SPATA21: variants seen among roughly 807,000 people sequenced by gnomAD.
SPATA21 encodes the protein spermatogenesis associated 21.
Under a neutral mutation model 54.8 loss-of-function variants are expected in SPATA21, and 47 were observed. The ratio of observed to expected loss-of-function variants is 0.86; its 90% CI spans 0.68 to 1.09. The LOEUF (loss-of-function observed/expected upper bound fraction) is 1.09. Among genes scored for constraint, SPATA21 ranks in the 50% least tolerant of loss-of-function variants. SPATA21 has a pLI of 0.00. For synonymous variants in SPATA21, 245 were observed against 235.3 expected (o/e 1.04, Z -0.38); for missense variants, 599 against 596.4 (o/e 1.00, Z -0.05).
At chr1:16,415,241 G>A (rs1030664524) in intron 5 of SPATA21, among the ~76,000 whole-genome samples, 6 of 152,210 alleles carry the variant, frequency 3.9e-5, no homozygotes, top group Non-Finnish European at 7.3e-5. Flanking sequence ...AAGGGGCTAA[G>A]GTGGGAGGAT....
At chr1:16,415,732 G>A (rs1305120562) in intron 5 of SPATA21, among the ~76,000 whole-genome samples, 2 of 152,178 alleles carry the variant, frequency 1.3e-5, no homozygotes, top group Admixed American at 6.5e-5. Context: ...GCTAATTTTT[G>A]TATTTTTAGT....
chr1:16,429,683 A>AT (rs1339998025), intron 3 of SPATA21, among the ~76,000 whole-genome samples: 1 of 150,538 alleles, frequency 6.6e-6, no homozygotes. Context: ...CATGTTGGTC[A>AT]GGCTGGTCTT....
At position 16,424,854 on chromosome 1, in the gene SPATA21, C is replaced by T. The variant is rs542129051; in HGVS notation, c.35-2883G>A. On this transcript the variant is annotated intron_variant, in intron 3 of 12. Transcript: ENST00000335496. ...TATCTGTATACAGAACCTGGCACCT[C>T]CTCCCTCCCCCCTGCACCCATTGAC... 3 of 196,408 alleles carry T rather than the reference C, an allele frequency of 1.5e-5. No homozygotes were observed. The East Asian group carries it at 5.0e-4, about 33-fold the overall frequency. 12.2% of individuals were successfully genotyped at this position (196,408 alleles called of 1,614,324 possible).
At chr1:16,426,507 C>T (rs1410263398) in intron 3 of SPATA21, among the ~76,000 whole-genome samples, 1 of 148,388 alleles carries the variant, frequency 6.7e-6, no homozygotes, top group African/African-American at 2.5e-5. Context: ...GATCCGCCAA[C>T]CTCAACTTCC....
Position 16,400,911 on chromosome 1 carries a change from C to T in SPATA21, c.1002-19G>A. Reference sequence around the variant, plus strand: ...GTAGTAGCTGGGGAGGCAGTGCCCACCCATCTCAGCCTGGCTGTGTTTAAT... The same window carrying T: ...GTAGTAGCTGGGGAGGCAGTGCCCATCCATCTCAGCCTGGCTGTGTTTAAT... On this transcript the variant is annotated intron_variant, in intron 10 of 12. Transcript: ENST00000335496. The T allele has an allele frequency of 1.2e-6, 2 of 1,607,658 alleles. No individual in the cohort carries two copies. Among genetic ancestry groups the T allele is most frequent in the Non-Finnish European group, 1.7e-6 (2 of 1,176,700 alleles).
rs764239159 is a variant in SPATA21 at position 16,409,978 on chromosome 1, C to T, written c.210G>A (p.Ala70=). 2.5e-6 allele frequency: 4 copies of T among 1,607,182 alleles called. No individual in the cohort carries two copies. Among genetic ancestry groups the T allele is most frequent in the East Asian group, 2.2e-5 (1 of 44,884 alleles). Residue 70 remains alanine, a synonymous_variant, in exon 6 of 13, where the codon GCG becomes GCA. Transcript: ENST00000335496. The surrounding 1 kb of genome is among the most constrained non-coding windows in gnomAD (Gnocchi z 4.1). ...CGAGGCTCTGTGTCCCTGCAGCCAC[C>T]GCGGGCTTCTGAGGCTGCTGCTGCG... ...DRAQQQPQKP[A]VAAGTQSLGN...
intron 1 of SPATA21, among the ~76,000 whole-genome samples, chr1:16,433,577 C>T (rs544945203): frequency 6.6e-6 from 1 of 152,362 alleles, no homozygotes; most frequent in Admixed American, 6.5e-5. Context: ...TCCACTGTCT[C>T]TGCCTGAGAA....
chr1:16,422,286 C>T, intron 3 of SPATA21: 2 of 1,230,866 alleles, frequency 1.6e-6, no homozygotes, highest in Non-Finnish European at 2.1e-6. Flanking sequence ...CCAGTTATTA[C>T]ACACTTACTA....
intron 5 of SPATA21, among the ~76,000 whole-genome samples, chr1:16,418,036 G>A (rs967582559): frequency 3.9e-5 from 6 of 152,206 alleles, no homozygotes; most frequent in African/African-American, 1.2e-4. Flanking sequence ...GGTGCCACCA[G>A]CTCAGCTGCA....
chr1:16,427,745 G>T, intron 3 of SPATA21: 1 of 1,077,546 alleles, frequency 9.3e-7, no homozygotes, highest in Non-Finnish European at 1.3e-6. Context: ...GAAGGACAAG[G>T]TGCTGTCGTG....
rs200457248 is a variant in SPATA21, at chr1:16,399,336, G to C, written c.1352+8C>G. 3 of 1,605,384 alleles carry C rather than the reference G, an allele frequency of 1.9e-6. No individual in the cohort carries two copies. Among genetic ancestry groups the C allele is most frequent in the Non-Finnish European group, 2.6e-6 (3 of 1,175,278 alleles). ...GCCTGGGCTGGGACCCTTTCTCTGG[G>C]CACCCACCTGTTTCCTTGAGATCCT... is the stretch of plus-strand genomic sequence containing the variant. On this transcript the variant is annotated splice_region_variant and intron_variant, in intron 12 of 12. Coordinates refer to ENST00000335496, the MANE Select transcript of SPATA21 (RefSeq NM_198546.1).
At chr1:16,426,579 A>ATATATATT (rs1401259793) in intron 3 of SPATA21, among the ~76,000 whole-genome samples, 21 of 107,154 alleles carry the variant, frequency 2.0e-4, no homozygotes, top group East Asian at 3.4e-4. Context: ...ATATATATAT[A>ATATATATT]TTTTTTTTTT....
Position 16,414,893 on chromosome 1 carries a change from C to CAAAAAAAAAAAAAA in SPATA21, c.145-4864_145-4851dup, listed in dbSNP as rs528947922. Among the ~76,000 whole-genome samples the CAAAAAAAAAAAAAA allele has an allele frequency of 9.4e-5, 7 of 74,336 alleles. 1 individual carries two copies. Among genetic ancestry groups the CAAAAAAAAAAAAAA allele is most frequent in the Non-Finnish European group, 1.2e-4 (5 of 42,660 alleles). 48.8% of individuals were successfully genotyped at this position (74,336 alleles called of 152,430 possible). On this transcript the variant is annotated intron_variant, in intron 5 of 12. Transcript: ENST00000335496. ...GGGCAACAAGAGCGAAACCTCATCT[C>CAAAAAAAAAAAAAA]AAAAAAAAAAAAAAAAAAAGATTCT...
intron 5 of SPATA21, among the ~76,000 whole-genome samples, chr1:16,414,128 C>T (rs922299256): frequency 6.6e-6 from 1 of 151,742 alleles, no homozygotes; most frequent in African/African-American, 2.4e-5. Context: ...TGCAGTGGTG[C>T]AATCTTGGCT....
chr1:16,424,866 CT>C (rs2086278898), intron 3 of SPATA21: 1 of 263,552 alleles, frequency 3.8e-6, no homozygotes, highest in Non-Finnish European at 7.5e-6. Context: ...TCCCTCCCCC[CT>C]GCACCCATTG....
rs1185817057 is a variant in SPATA21, at chr1:16,409,606, C to T, written c.582G>A (p.Lys194=). The T allele has an allele frequency of 1.8e-5, 29 of 1,610,866 alleles. No homozygotes were observed. Among genetic ancestry groups the T allele is most frequent in the Non-Finnish European group, 2.4e-5 (28 of 1,179,604 alleles). Reference sequence around the variant, plus strand: ...TGAGCAGCGGGGGCTCCTACCGCGCCTTGGCGTAGCTCAGGGTTCTCTCGC... The same window carrying T: ...TGAGCAGCGGGGGCTCCTACCGCGCTTTGGCGTAGCTCAGGGTTCTCTCGC... ...QSSERTLSYA[K]ARQEPEEQSL... The change falls in exon 6 of 13, where the codon AAG becomes AAA. Residue 194 remains lysine, a synonymous_variant. Transcript: ENST00000335496. The surrounding 1 kb of genome is among the most constrained non-coding windows in gnomAD (Gnocchi z 4.1).
chr1:16,413,077 C>T (rs1484914607), intron 5 of SPATA21, among the ~76,000 whole-genome samples: 3 of 152,318 alleles, frequency 2.0e-5, no homozygotes, highest in Non-Finnish European at 2.9e-5. Context: ...CCACCACGCC[C>T]GGCCAACGAT....
In SPATA21 at chr1:16,423,353, C is replaced by T. The variant is rs142345708; in HGVS notation, c.35-1382G>A. On this transcript the variant is annotated intron_variant, in intron 3 of 12. Transcript: ENST00000335496. ...ACTTGAACCCAGGAGGTGGAGGTTGCAGTGACCCAAGATCACACCCCTGCA... is the reference window on the plus strand; with the variant it reads ...ACTTGAACCCAGGAGGTGGAGGTTGTAGTGACCCAAGATCACACCCCTGCA... 6.4e-3 allele frequency among the ~76,000 whole-genome samples: 885 copies of T among 138,486 alleles called. 9 individuals carry two copies. The highest frequency in any genetic ancestry group is 0.023 in the African/African-American group (835 of 36,898). 90.9% of individuals were successfully genotyped at this position (138,486 alleles called of 152,430 possible). A position where few individuals can be genotyped will look rare whatever the true frequency, so the allele number is the denominator to read the frequency against.
intron 5 of SPATA21, among the ~76,000 whole-genome samples, chr1:16,414,723 C>T (rs1334747740): frequency 1.3e-5 from 2 of 151,288 alleles, no homozygotes; most frequent in Admixed American, 6.6e-5. Flanking sequence ...GGAGAAGCCC[C>T]GTCTCTGCTA....
Sources: gnomAD v4.1 joint callset for allele counts (sites outside exome capture counted in the v4.1 genomes callset) on GRCh38, gnomAD v4.1.1 for gene constraint, Gnocchi (gnomAD v3.1) non-coding constraint, MANE v1.5 for transcripts, NCBI Gene and HGNC (gene_info 2026-07-23, HGNC 2026-07-21) for gene names.